The following VMA22 variants were observed in gnomAD, a reference collection of about 807,000 sequenced individuals.
VMA22 encodes vacuolar ATPase assembly factor VMA22, also known as vacuolar ATPase assembly protein VMA22.
chr2:130,342,277 T>G, the VMA22 span: 1 of 1,469,088 alleles, frequency 6.8e-7, no homozygotes, highest in South Asian at 1.2e-5. Context: ...GTCAGCTTCT[T>G]TAAGGGCAAG....
At chr2:130,340,740 A>G in the VMA22 span, 29 of 730,750 alleles carry the variant, frequency 4.0e-5, no homozygotes, top group Non-Finnish European at 6.4e-5. Flanking sequence ...GCTGCCAACA[A>G]CCAGTAAATG....
the VMA22 span, chr2:130,339,546 C>A: frequency 7.9e-7 from 1 of 1,268,410 alleles, no homozygotes; most frequent in Non-Finnish European, 1.0e-6. Context: ...ATTACAGCAT[C>A]TCTCTGCCCT....
At chr2:130,339,344 C>T in the VMA22 span, 2 of 1,340,430 alleles carry the variant, frequency 1.5e-6, no homozygotes, top group Admixed American at 4.7e-5. Flanking sequence ...GCCCCCCACA[C>T]TTGTCCCAAA....
the VMA22 span, chr2:130,339,552 G>C: frequency 2.3e-6 from 3 of 1,280,404 alleles, no homozygotes; most frequent in Non-Finnish European, 3.1e-6. Flanking sequence ...GCATCTCTCT[G>C]CCCTCACCTG....
the VMA22 span, chr2:130,339,051 G>A: frequency 5.1e-6 from 6 of 1,182,638 alleles, no homozygotes; most frequent in Admixed American, 8.8e-5. Context: ...TGTGAAGGAA[G>A]AAGGCCTGAG....
the VMA22 span, chr2:130,338,852 T>C: frequency 2.4e-6 from 1 of 413,858 alleles, no homozygotes; most frequent in South Asian, 2.7e-5. Context: ...CAGTTCCAAT[T>C]GTTGACTAAC....
At chr2:130,341,815 C>G in the VMA22 span, 3 of 1,527,190 alleles carry the variant, frequency 2.0e-6, no homozygotes, top group South Asian at 2.4e-5. Context: ...GCCCGCCCAC[C>G]CAGCCCAGCA....
chr2:130,339,472 C>T, the VMA22 span: 5 of 1,387,074 alleles, frequency 3.6e-6, no homozygotes, highest in Non-Finnish European at 4.7e-6. Flanking sequence ...TATCACCCAC[C>T]AGGAACTAAA....
At chr2:130,340,408 C>G in the VMA22 span, 63 of 204,904 alleles carry the variant, frequency 3.1e-4, no homozygotes, top group African/African-American at 1.4e-3. Flanking sequence ...CTTACATCAC[C>G]TGACTCCACT....
the VMA22 span, chr2:130,338,398 G>C: frequency 6.6e-6 from 1 of 152,046 alleles, no homozygotes; most frequent in Non-Finnish European, 1.5e-5. Context: ...ATGGACAAAG[G>C]ACCAATTACC....
chr2:130,341,801 G>GCCCCCC, the VMA22 span: 2 of 1,378,140 alleles, frequency 1.5e-6, no homozygotes, highest in Non-Finnish European at 9.9e-7. Context: ...CCTAGAACGC[G>GCCCCCC]CCCGCCCGCC....
the VMA22 span, chr2:130,341,801 G>GTCCCCCC: frequency 7.3e-7 from 1 of 1,378,140 alleles, no homozygotes; most frequent in Non-Finnish European, 9.9e-7. Flanking sequence ...CCTAGAACGC[G>GTCCCCCC]CCCGCCCGCC....
chr2:130,339,961 C>T, the VMA22 span: 2 of 638,586 alleles, frequency 3.1e-6, no homozygotes, highest in African/African-American at 1.9e-5. Flanking sequence ...CAGGCCTCTC[C>T]CAAACTCCAG....
the VMA22 span, chr2:130,341,904 G>A: frequency 6.2e-7 from 1 of 1,612,094 alleles, no homozygotes; most frequent in South Asian, 1.1e-5. Flanking sequence ...TACCGACTTG[G>A]CGCCCATCGC....
chr2:130,342,230 C>T, the VMA22 span: 1 of 1,551,532 alleles, frequency 6.4e-7, no homozygotes, highest in Non-Finnish European at 8.7e-7. Flanking sequence ...GCGTTCCCAT[C>T]TGGGGATCCC....
At chr2:130,341,657 G>A in the VMA22 span, 2 of 1,606,900 alleles carry the variant, frequency 1.2e-6, no homozygotes, top group African/African-American at 2.7e-5. Context: ...AGAAGGAAGA[G>A]GGGGCTCACC....
At chr2:130,338,024 A>C in the VMA22 span, among the ~76,000 whole-genome samples, 2 of 152,276 alleles carry the variant, frequency 1.3e-5, no homozygotes, top group South Asian at 2.1e-4. Context: ...GGGAGTTAGC[A>C]AAACAAAAGG....
chr2:130,339,171 C>G, the VMA22 span: 3 of 1,614,188 alleles, frequency 1.9e-6, no homozygotes, highest in Middle Eastern at 1.6e-4. Context: ...GTCCCCGGAG[C>G]TGGCTTCGAC....
At chr2:130,342,388 G>T in the VMA22 span, 2 of 604,246 alleles carry the variant, frequency 3.3e-6, no homozygotes, top group Non-Finnish European at 5.7e-6. Flanking sequence ...GTTATAGGTG[G>T]TTCTGAGTCC....
Sources: gnomAD v4.1 joint callset for allele counts (sites outside exome capture counted in the v4.1 genomes callset) on GRCh38, gnomAD v4.1.1 for gene constraint, MANE v1.5 for transcripts, NCBI Gene and HGNC (gene_info 2026-07-23, HGNC 2026-07-21) for gene names.